The following HCK variants were observed in gnomAD, a reference collection of about 807,000 sequenced individuals.
HCK encodes HCK proto-oncogene, Src family tyrosine kinase.
Under a neutral mutation model 70.4 loss-of-function variants are expected in HCK, and 40 were observed. The ratio of observed to expected loss-of-function variants is 0.57; its 90% CI spans 0.44 to 0.74. The LOEUF (loss-of-function observed/expected upper bound fraction) is 0.74. Among genes scored for constraint, HCK ranks in the 30% least tolerant of loss-of-function variants. HCK has a pLI of 0.00. For missense variants in HCK, 568 were observed against 697.2 expected, an observed-to-expected ratio of 0.81 and a Z score of 2.09; for synonymous variants, 245 against 263.2, an observed-to-expected ratio of 0.93 and a Z score of 0.67.
chr20:32,079,011 C>T (rs1034367963), intron 5 of HCK, among the ~76,000 whole-genome samples: 2 of 152,284 alleles, frequency 1.3e-5, no homozygotes, highest in East Asian at 1.9e-4. Context: ...CAAAGTCACA[C>T]TGCAGGTTTG....
In HCK at chr20:32,064,367, T is replaced by C. The variant is rs186631426; in HGVS notation, c.63-7295T>C. Among the ~76,000 whole-genome samples, 262 of 152,178 alleles carry C rather than the reference T, an allele frequency of 1.7e-3. 1 individual carries two copies. The highest frequency in any genetic ancestry group is 5.8e-3 in the African/African-American group (242 of 41,514). On this transcript the variant is annotated intron_variant, in intron 1 of 12. Coordinates refer to ENST00000375852, the MANE Select transcript of HCK (RefSeq NM_002110.5). ...ACAGATCCACCTCTACAGCCAGGGG[T>C]TGGAGTCAACTCTATCCCAATCCAT...
chr20:32,063,476 G>A lies in HCK; in HGVS notation c.63-8186G>A, dbSNP rs75479947. Among the ~76,000 whole-genome samples, 951 of 151,840 alleles carry A rather than the reference G, an allele frequency of 6.3e-3. 3 individuals carry two copies. Among genetic ancestry groups the A allele is most frequent in the Non-Finnish European group, 9.7e-3 (658 of 67,912 alleles). ...TTGTCAGGACCAGCCTTGTACTCCTGGGCTCAAAGCAATCCTCCCACCTCA... is the reference window on the plus strand; with the variant it reads ...TTGTCAGGACCAGCCTTGTACTCCTAGGCTCAAAGCAATCCTCCCACCTCA... On this transcript the variant is annotated intron_variant, in intron 1 of 12. Coordinates refer to ENST00000375852, the MANE Select transcript of HCK (RefSeq NM_002110.5).
chr20:32,068,072 G>A (rs1401560925), intron 1 of HCK, among the ~76,000 whole-genome samples: 2 of 152,080 alleles, frequency 1.3e-5, no homozygotes, highest in Admixed American at 1.3e-4. Flanking sequence ...CAAGGAGGAC[G>A]GATCACCTGA....
At chr20:32,062,745 G>C (rs1449022166) in intron 1 of HCK, among the ~76,000 whole-genome samples, 1 of 152,178 alleles carries the variant, frequency 6.6e-6, no homozygotes, top group Non-Finnish European at 1.5e-5. Context: ...ACCCCTAACT[G>C]TCTATTAGGG....
At position 32,074,739 on chromosome 20, in the gene HCK, T is replaced by C; in HGVS notation, c.428+18T>C. The C allele has an allele frequency of 6.3e-7, 1 of 1,579,542 alleles. No individual in the cohort carries two copies. The highest frequency in any genetic ancestry group is 8.7e-7 in the Non-Finnish European group (1 of 1,148,560). The stretch of plus-strand genomic sequence containing the variant: ...ACAGAGGAGTAAGTATCCTATTTCC[T>C]ACCTTCCAGAAAGAGGCATGAGCAA... On this transcript the variant is annotated intron_variant, in intron 5 of 12. Transcript: ENST00000375852.
At chr20:32,052,797 AT>A (rs397799329) in intron 1 of HCK, among the ~76,000 whole-genome samples, 2,068 of 112,518 alleles carry the variant, frequency 0.018, 156 homozygotes, top group Non-Finnish European at 0.029. Flanking sequence ...GGGGGCGGGG[AT>A]TTTTTTTTTA....
rs186396225 is a variant in HCK at position 32,074,397 on chromosome 20, G to A, written c.330-226G>A. Among the ~76,000 whole-genome samples, 16 of 152,268 alleles carry A rather than the reference G, an allele frequency of 1.1e-4. No homozygotes were observed. In the East Asian group the frequency reaches 3.1e-3, roughly 29 times the overall value. On this transcript the variant is annotated intron_variant, in intron 4 of 12. Coordinates refer to ENST00000375852, the MANE Select transcript of HCK (RefSeq NM_002110.5). The stretch of plus-strand genomic sequence containing the variant: ...TGGAGCCAGAGACCCAGGGCTCTGG[G>A]CTGTGGACAGGGAGATTCCAGACCC...
rs529370062 is a variant in HCK at position 32,056,494 on chromosome 20, C to T, written c.62+4008C>T. 2.0e-5 allele frequency among the ~76,000 whole-genome samples: 3 copies of T among 150,576 alleles called. No homozygotes were observed. The South Asian group carries it at 6.3e-4, about 32-fold the overall frequency. The stretch of plus-strand genomic sequence containing the variant: ...TCGAGCCACTGCACTCTAGCCTGGG[C>T]GACAGAGCGAGACTCCTTCTCAGAA... On this transcript the variant is annotated intron_variant, in intron 1 of 12. Transcript: ENST00000375852.
intron 5 of HCK, among the ~76,000 whole-genome samples, chr20:32,076,109 G>A (rs1600723269): frequency 6.6e-6 from 1 of 152,244 alleles, no homozygotes; most frequent in Non-Finnish European, 1.5e-5. Context: ...GATCACCTGA[G>A]GTCAGGAGTT....
chr20:32,067,997 T>G (rs2045484379), intron 1 of HCK, among the ~76,000 whole-genome samples: 1 of 152,182 alleles, frequency 6.6e-6, no homozygotes, highest in Non-Finnish European at 1.5e-5. Context: ...GTAAAAATTT[T>G]TTTAAAAATG....
intron 7 of HCK, 58 bp downstream of exon 7, chr20:32,084,101 A>C (rs1449200766): frequency 1.3e-6 from 2 of 1,569,958 alleles, no homozygotes; most frequent in Admixed American, 3.6e-5. Flanking sequence ...ACTCCTAGTC[A>C]CGGATGCACT....
chr20:32,086,143 C>G (rs2045782346), intron 8 of HCK, among the ~76,000 whole-genome samples: 2 of 152,182 alleles, frequency 1.3e-5, no homozygotes, highest in African/African-American at 4.8e-5. Context: ...CCTCAGCCTC[C>G]CCAGTAGCTG....
At chr20:32,061,183 C>T (rs1012880842) in intron 1 of HCK, among the ~76,000 whole-genome samples, 5 of 152,190 alleles carry the variant, frequency 3.3e-5, no homozygotes, top group Non-Finnish European at 7.4e-5. Context: ...GGGGTTTCAC[C>T]ATGTTGGCCA....
chr20:32,059,495 T>TTC (rs935405245), intron 1 of HCK, among the ~76,000 whole-genome samples: 1 of 51,088 alleles, frequency 2.0e-5, no homozygotes, highest in Non-Finnish European at 3.8e-5. Flanking sequence ...TCTTTCTTGC[T>TTC]TCTCTCTCTC....
intron 1 of HCK, among the ~76,000 whole-genome samples, chr20:32,068,493 C>G (rs540483266): frequency 4.9e-4 from 74 of 152,028 alleles, no homozygotes; most frequent in Non-Finnish European, 7.1e-4. Flanking sequence ...GCTCACATGA[C>G]ATTTCTGGGC....
At chr20:32,065,835 G>A (rs6061146) in intron 1 of HCK, among the ~76,000 whole-genome samples, 13 of 152,296 alleles carry the variant, frequency 8.5e-5, no homozygotes, top group African/African-American at 3.1e-4. Flanking sequence ...GAGAAAGCTG[G>A]TTCTCCAAAG....
Position 32,060,734 on chromosome 20 carries a change from G to A in HCK, c.62+8248G>A, listed in dbSNP as rs575238320. Among the ~76,000 whole-genome samples, 6 of 152,152 alleles carry A rather than the reference G, an allele frequency of 3.9e-5. 1 individual carries two copies. The highest frequency in any genetic ancestry group is 3.9e-4 in the Admixed American group (6 of 15,274). Reference sequence around the variant, plus strand: ...TTCATACTTAACTTCAGCATACCCTGAGATAGTTCAAGTCCTTTGAGAAGC... The same window carrying A: ...TTCATACTTAACTTCAGCATACCCTAAGATAGTTCAAGTCCTTTGAGAAGC... On this transcript the variant is annotated intron_variant, in intron 1 of 12. Transcript: ENST00000375852.
rs1213553678 is a variant in HCK at position 32,053,676 on chromosome 20, G to A, written c.62+1190G>A. Among the ~76,000 whole-genome samples the A allele has an allele frequency of 3.4e-5, 5 of 147,016 alleles. No individual in the cohort carries two copies. In the East Asian group the frequency reaches 9.9e-4, roughly 29 times the overall value. On this transcript the variant is annotated intron_variant, in intron 1 of 12. Transcript: ENST00000375852. ...AAAAAAAAAAAGTTACTGAAGGAAA[G>A]CTTTGAGAATGCTGTCTGACAGTAC...
At chr20:32,093,631 G>T (rs1461207963) in intron 10 of HCK, among the ~76,000 whole-genome samples, 1 of 152,112 alleles carries the variant, frequency 6.6e-6, no homozygotes, top group Non-Finnish European at 1.5e-5. Flanking sequence ...GGAAGTCTTG[G>T]AATTCTAGAG....
Sources: allele counts gnomAD v4.1 joint callset (sites outside exome capture counted in the v4.1 genomes callset), GRCh38; gene constraint gnomAD v4.1.1; transcripts MANE v1.5; gene names NCBI Gene and HGNC (gene_info 2026-07-23, HGNC 2026-07-21).